Variants in CPNE8 observed in about 807,000 individuals in gnomAD.
CPNE8 encodes copine-8.
In CPNE8, 45 loss-of-function variants were observed where a neutral mutation model predicts 81.5. The ratio of observed to expected loss-of-function variants is 0.55; its 90% CI spans 0.44 to 0.71. The LOEUF (loss-of-function observed/expected upper bound fraction) is 0.71. Among genes scored for constraint, CPNE8 ranks in the 30% least tolerant of loss-of-function variants. CPNE8 has a pLI of 0.00. For synonymous variants in CPNE8, 252 were observed against 226.3 expected, an observed-to-expected ratio of 1.11 and a Z score of -1.02; for missense variants, 594 against 672.1, an observed-to-expected ratio of 0.88 and a Z score of 1.28.
chr12:38,693,570 G>T (rs886122387), intron 15 of CPNE8, 87 bp downstream of exon 15: 4 of 1,159,942 alleles, frequency 3.4e-6, no homozygotes, highest in Admixed American at 2.3e-5. Flanking sequence ...CTTGCTACTT[G>T]ACTGACTAAA....
chr12:38,806,075 G>T (rs1942794419), intron 6 of CPNE8, among the ~76,000 whole-genome samples: 2 of 150,276 alleles, frequency 1.3e-5, no homozygotes, highest in African/African-American at 4.8e-5. Flanking sequence ...TCTCTGAATA[G>T]ACCAATAACA....
At chr12:38,687,370 CTTTCTTTTTTTTTT>C (rs1237145372) in intron 15 of CPNE8, among the ~76,000 whole-genome samples, 1 of 95,494 alleles carries the variant, frequency 1.0e-5, no homozygotes, top group African/African-American at 3.8e-5. Flanking sequence ...AATGCCAAGA[CTTTCTTTTTTTTTT>C]TTTTTTTTTT....
chr12:38,714,240 A>T (rs1940332254), intron 13 of CPNE8, among the ~76,000 whole-genome samples: 2 of 152,120 alleles, frequency 1.3e-5, no homozygotes, highest in Admixed American at 1.3e-4. Context: ...TTATCATGCT[A>T]CCTAAGAAAT....
intron 10 of CPNE8, among the ~76,000 whole-genome samples, chr12:38,738,691 T>A (rs1183109422): frequency 6.6e-6 from 1 of 152,188 alleles, no homozygotes; most frequent in African/African-American, 2.4e-5. Flanking sequence ...TGGGTACACA[T>A]TTTAATATTA....
At chr12:38,836,493 A>G (rs983838831) in intron 5 of CPNE8, among the ~76,000 whole-genome samples, 3 of 152,162 alleles carry the variant, frequency 2.0e-5, no homozygotes, top group African/African-American at 7.2e-5. Flanking sequence ...ACACCAAATA[A>G]AGTCATCCTG....
chr12:38,693,988 A>G (rs1293664188), intron 14 of CPNE8, 150 bp from the exon 15 acceptor site: 7 of 516,074 alleles, frequency 1.4e-5, no homozygotes, highest in Non-Finnish European at 2.3e-5. Context: ...TTGGATGGAT[A>G]TTAACACAGA....
intron 6 of CPNE8, among the ~76,000 whole-genome samples, chr12:38,790,254 A>G (rs916082403): frequency 2.0e-5 from 3 of 151,880 alleles, no homozygotes; most frequent in African/African-American, 4.8e-5. Flanking sequence ...AGTACTATTC[A>G]GCCATAAAGA....
At chr12:38,732,691 C>A (rs1940858776) in intron 10 of CPNE8, among the ~76,000 whole-genome samples, 1 of 151,974 alleles carries the variant, frequency 6.6e-6, no homozygotes, top group African/African-American at 2.4e-5. Context: ...CCTCTGCAGA[C>A]TTTTCAGATT....
intron 6 of CPNE8, among the ~76,000 whole-genome samples, chr12:38,796,619 G>A (rs988830588): frequency 5.3e-5 from 8 of 152,126 alleles, no homozygotes; most frequent in East Asian, 1.9e-4. Flanking sequence ...CGTGAGTGAC[G>A]CAGAAGACGG....
In CPNE8 at chr12:38,728,118, A is replaced by G. The variant is rs144494305; in HGVS notation, c.798+2165T>C. Among the ~76,000 whole-genome samples, 868 of 152,320 alleles carry G rather than the reference A, an allele frequency of 5.7e-3. 3 individuals are homozygous for G. The highest frequency in any genetic ancestry group is 8.4e-3 in the Non-Finnish European group (570 of 68,028). ...GGAGAAGCTGGAGGATCTGATTTCC[A>G]ATGTGCTGCATTATATTATTTAAAG... On this transcript the variant is annotated intron_variant, in intron 11 of 19. Coordinates refer to ENST00000331366, the MANE Select transcript of CPNE8 (RefSeq NM_153634.3).
At chr12:38,888,999 A>G (rs1446045816) in intron 1 of CPNE8, among the ~76,000 whole-genome samples, 1 of 152,224 alleles carries the variant, frequency 6.6e-6, no homozygotes, top group Non-Finnish European at 1.5e-5. Flanking sequence ...TATGCAATAC[A>G]CTGGACTAGA....
At chr12:38,786,993 C>T (rs1383480311) in intron 6 of CPNE8, among the ~76,000 whole-genome samples, 1 of 152,030 alleles carries the variant, frequency 6.6e-6, no homozygotes, top group Non-Finnish European at 1.5e-5. Flanking sequence ...AAACAGATCC[C>T]AATACAATAA....
intron 3 of CPNE8, among the ~76,000 whole-genome samples, chr12:38,870,295 C>T (rs1373051592): frequency 1.3e-5 from 2 of 152,166 alleles, no homozygotes; most frequent in Non-Finnish European, 2.9e-5. Context: ...TGGATATATA[C>T]CCAAAGGATT....
intron 1 of CPNE8, among the ~76,000 whole-genome samples, chr12:38,885,092 TA>T (rs1417799609): frequency 4.6e-5 from 7 of 152,146 alleles, no homozygotes; most frequent in Non-Finnish European, 7.3e-5. Context: ...AATTTTGGCA[TA>T]AAGGATACTT....
intron 5 of CPNE8, among the ~76,000 whole-genome samples, chr12:38,837,921 A>G (rs1487020252): frequency 1.3e-5 from 2 of 152,202 alleles, no homozygotes; most frequent in Non-Finnish European, 2.9e-5. Context: ...AAAGAGAAAG[A>G]TTTGAAAGGA....
At chr12:38,712,404 G>T (rs532801564) in intron 13 of CPNE8, among the ~76,000 whole-genome samples, 2 of 151,580 alleles carry the variant, frequency 1.3e-5, no homozygotes, top group African/African-American at 4.8e-5. Flanking sequence ...ATGGAGATGC[G>T]GGCACATTAT....
chr12:38,676,582 C>G (rs1939294740), intron 17 of CPNE8, among the ~76,000 whole-genome samples: 1 of 152,116 alleles, frequency 6.6e-6, no homozygotes, highest in African/African-American at 2.4e-5. Flanking sequence ...ATGATCATTA[C>G]AGAAAGTTAG....
intron 1 of CPNE8, among the ~76,000 whole-genome samples, chr12:38,879,211 G>A (rs894768465): frequency 8.3e-4 from 126 of 152,230 alleles, no homozygotes; most frequent in African/African-American, 2.9e-3. Context: ...CATTTGCAGC[G>A]GGGAGGAGCC....
chr12:38,692,002 C>A lies in CPNE8; in HGVS notation c.1143+1655G>T, dbSNP rs978304014. On this transcript the variant is annotated intron_variant, in intron 15 of 19. Transcript: ENST00000331366. ...ATGTGTTTTAATTGGGCTCAAAGAA[C>A]AAATTAATGCTGGGCACAGTGGCTC... is the stretch of plus-strand genomic sequence containing the variant. Among the ~76,000 whole-genome samples the A allele has an allele frequency of 2.0e-5, 3 of 152,148 alleles. No individual in the cohort carries two copies. In the South Asian group the frequency reaches 6.2e-4, roughly 32 times the overall value.
Sources: gnomAD v4.1 joint callset for allele counts (sites outside exome capture counted in the v4.1 genomes callset) on GRCh38, gnomAD v4.1.1 for gene constraint, MANE v1.5 for transcripts, NCBI Gene and HGNC (gene_info 2026-07-23, HGNC 2026-07-21) for gene names.